The following ST8SIA4 variants were observed in gnomAD, a reference collection of about 807,000 sequenced individuals.
The protein encoded by ST8SIA4 is ST8 alpha-N-acetyl-neuraminide alpha-2,8-sialyltransferase 4, also known as CMP-N-acetylneuraminate-poly-alpha-2,8-sialyltransferase.
Under a neutral mutation model 33.9 loss-of-function variants are expected in ST8SIA4, and 15 were observed. The ratio of observed to expected loss-of-function variants is 0.44; its 90% CI spans 0.30 to 0.68. The LOEUF is 0.68. Among genes scored for constraint, ST8SIA4 ranks in the 30% least tolerant of loss-of-function variants. The pLI, the probability that ST8SIA4 is intolerant of heterozygous loss-of-function variation, is 0.10. For synonymous variants in ST8SIA4, 171 were observed against 151.2 expected (o/e 1.13, Z -0.96); for missense variants, 321 against 428.0 (o/e 0.75, Z 2.21).
rs1189163017 is a variant in ST8SIA4, at chr5:100,810,246, T to C, written c.*1601A>G. On this transcript the variant is annotated 3_prime_UTR_variant, in exon 5 of 5. Coordinates refer to ENST00000231461, the MANE Select transcript of ST8SIA4 (RefSeq NM_005668.6). ...AATTTCATGTGTTTCTTGAAGAACATATGTGATATTGTGACTAAATTTAAC... is the reference window on the plus strand; with the variant it reads ...AATTTCATGTGTTTCTTGAAGAACACATGTGATATTGTGACTAAATTTAAC... 1 of 152,206 alleles carries C rather than the reference T, an allele frequency of 6.6e-6. No individual in the cohort carries two copies. The highest frequency in any genetic ancestry group is 2.4e-5 in the African/African-American group (1 of 41,464). 9.4% of individuals were successfully genotyped at this position (152,206 alleles called of 1,614,324 possible).
chr5:100,825,787 T>C (rs1751129645), intron 4 of ST8SIA4, among the ~76,000 whole-genome samples: 1 of 152,196 alleles, frequency 6.6e-6, no homozygotes, highest in Non-Finnish European at 1.5e-5. Flanking sequence ...CTGTCTTAGG[T>C]AGATATTTTT....
rs1262150821 is a variant in ST8SIA4, at chr5:100,856,180, A to T, written c.720T>A (p.Val240=). 6.2e-7 allele frequency: 1 copy of T among 1,614,148 alleles called. No individual in the cohort carries two copies. The highest frequency in any genetic ancestry group is 1.7e-5 in the Admixed American group (1 of 60,020). The change falls in exon 4 of 5, where the codon GTT becomes GTA. Residue 240 remains valine, a synonymous_variant. Coordinates refer to ENST00000231461, the MANE Select transcript of ST8SIA4 (RefSeq NM_005668.6). The part of the protein sequence containing the change: ...VKGGEKHVEW[V]NALILKNKLK... ...GTTTATTCTTAAGGATTAATGCATT[A>T]ACCCACTCCACGTGCTTCTCTCCTC...
intron 1 of ST8SIA4, 80 bp downstream of exon 1, chr5:100,902,763 C>G: frequency 8.3e-7 from 1 of 1,202,170 alleles, no homozygotes; most frequent in Non-Finnish European, 1.2e-6. Context: ...GCTATCCTAA[C>G]CATCACTCTA....
chr5:100,883,873 T>G (rs774723197), intron 3 of ST8SIA4, among the ~76,000 whole-genome samples: 1 of 152,198 alleles, frequency 6.6e-6, no homozygotes, highest in African/African-American at 2.4e-5. Context: ...CCTCTTTTTC[T>G]TTCCAGTCTC....
chr5:100,862,701 C>T (rs1751974700), intron 3 of ST8SIA4, among the ~76,000 whole-genome samples: 1 of 152,230 alleles, frequency 6.6e-6, no homozygotes, highest in East Asian at 1.9e-4. Flanking sequence ...CGCACCTGGC[C>T]GAATACCTTT....
At chr5:100,856,492 T>G in intron 3 of ST8SIA4, 96 bp from the exon 4 acceptor site, 1 of 1,243,780 alleles carries the variant, frequency 8.0e-7, no homozygotes, top group Non-Finnish European at 1.1e-6. Flanking sequence ...ATAAGCATTT[T>G]TTTAACCATG....
chr5:100,861,205 A>G (rs1468057476), intron 3 of ST8SIA4, among the ~76,000 whole-genome samples: 1 of 151,866 alleles, frequency 6.6e-6, no homozygotes, highest in Non-Finnish European at 1.5e-5. Flanking sequence ...CACACACACC[A>G]CATTTTATGC....
Position 100,902,013 on chromosome 5 carries a change from G to A in ST8SIA4, c.113+830C>T, listed in dbSNP as rs941130787. ...GGGAGGATTTCCGAAACAGGACTTT[G>A]AATAGAGTTGACAATCAGGTTCACA... On this transcript the variant is annotated intron_variant, in intron 1 of 4. Transcript: ENST00000231461. 2.0e-5 allele frequency among the ~76,000 whole-genome samples: 3 copies of A among 152,186 alleles called. No individual in the cohort carries two copies. The East Asian group carries it at 5.8e-4, about 29-fold the overall frequency.
Position 100,812,104 on chromosome 5 carries a change from T to C in ST8SIA4, c.823A>G (p.Ile275Val), listed in dbSNP as rs1371690536. 6.2e-7 allele frequency: 1 copy of C among 1,611,680 alleles called. No individual in the cohort carries two copies. The highest frequency in any genetic ancestry group is 8.5e-7 in the Non-Finnish European group (1 of 1,179,314). Residue 275 changes from isoleucine to valine, a missense_variant, in exon 5 of 5, where the codon ATC becomes GTC. Physicochemically the swap from Ile to Val is conservative, Grantham distance 29. Transcript: ENST00000231461. ...RGYWLTNKVP[I>V]KRPSTGLLMY... ...AGAAGACCTGTGCTGGGTCTTTTGA[T>C]AGGAACTTTGTTGGTCAGCCAGTAA...
At chr5:100,878,526 A>T (rs1752352183) in intron 3 of ST8SIA4, among the ~76,000 whole-genome samples, 1 of 152,112 alleles carries the variant, frequency 6.6e-6, no homozygotes, top group Non-Finnish European at 1.5e-5. Context: ...TTTGTTTGTA[A>T]TGATGACTCT....
chr5:100,884,692 TG>T (rs1339018861), intron 3 of ST8SIA4, among the ~76,000 whole-genome samples: 1 of 152,088 alleles, frequency 6.6e-6, no homozygotes, highest in Non-Finnish European at 1.5e-5. Flanking sequence ...GTTTAGGAAT[TG>T]AAATAATGCA....
intron 3 of ST8SIA4, among the ~76,000 whole-genome samples, chr5:100,876,269 T>C (rs1281320318): frequency 6.6e-6 from 1 of 152,074 alleles, no homozygotes; most frequent in Non-Finnish European, 1.5e-5. Flanking sequence ...ATCAAGAGTA[T>C]TCAGAATTCC....
intron 2 of ST8SIA4, chr5:100,890,927 A>G (rs1352304570): frequency 6.6e-6 from 1 of 151,876 alleles, no homozygotes; most frequent in African/African-American, 2.4e-5. Context: ...CTACCCAGAA[A>G]CTTTTAACTG....
chr5:100,853,973 T>TTGTGTGTGTG (rs370881650), intron 4 of ST8SIA4, among the ~76,000 whole-genome samples: 1 of 16,998 alleles, frequency 5.9e-5, no homozygotes, highest in Non-Finnish European at 2.1e-4. Flanking sequence ...TGGAATGTGT[T>TTGTGTGTGTG]TGTGTGTGTG....
intron 4 of ST8SIA4, among the ~76,000 whole-genome samples, chr5:100,830,567 C>T (rs1008560929): frequency 3.3e-5 from 5 of 152,102 alleles, no homozygotes; most frequent in African/African-American, 1.2e-4. Context: ...TTTATTCTTC[C>T]GAATTCAAGT....
intron 4 of ST8SIA4, among the ~76,000 whole-genome samples, chr5:100,853,991 GTGTGTGTGTGTGTGTGTGTA>G (rs1430627875): frequency 9.0e-3 from 220 of 24,386 alleles, no homozygotes; most frequent in Middle Eastern, 0.071. Context: ...GTGTATGTGT[GTGTGTGTGTGTGTGTGTGTA>G]TGTTTAAGAT....
chr5:100,895,398 C>A (rs1752759051), intron 2 of ST8SIA4, among the ~76,000 whole-genome samples: 1 of 151,982 alleles, frequency 6.6e-6, no homozygotes, highest in Admixed American at 6.6e-5. Context: ...CAGTACTCTG[C>A]TGAATATTTT....
chr5:100,875,388 C>G (rs1752283613), intron 3 of ST8SIA4, among the ~76,000 whole-genome samples: 1 of 152,148 alleles, frequency 6.6e-6, no homozygotes, highest in African/African-American at 2.4e-5. Flanking sequence ...GATTAGTAAC[C>G]TAATTAGTTA....
chr5:100,898,076 T>A (rs1272981857), intron 1 of ST8SIA4, among the ~76,000 whole-genome samples: 1 of 152,182 alleles, frequency 6.6e-6, no homozygotes, highest in Non-Finnish European at 1.5e-5. Flanking sequence ...ATCAGTGTCA[T>A]CTTTTTCTAA....
Sources: gnomAD v4.1 joint callset for allele counts (sites outside exome capture counted in the v4.1 genomes callset) on GRCh38, gnomAD v4.1.1 for gene constraint, MANE v1.5 for transcripts, NCBI Gene and HGNC (gene_info 2026-07-23, HGNC 2026-07-21) for gene names.